Variants in BCL2L13 observed in about 807,000 individuals in gnomAD.
The protein encoded by BCL2L13 is BCL2 like 13.
Under a neutral mutation model 25.8 loss-of-function variants are expected in BCL2L13, and 13 were observed. That is an observed-to-expected ratio of 0.50 (90% CI 0.33 to 0.80). The LOEUF (loss-of-function observed/expected upper bound fraction) is 0.80, where lower values mean the gene tolerates loss of function less well. BCL2L13 is among the 30% of genes least tolerant of loss of function. BCL2L13 has a pLI of 0.02. For missense variants in BCL2L13, 504 were observed against 574.9 expected, an observed-to-expected ratio of 0.88 and a Z score of 1.26; for synonymous variants, 244 against 230.3, an observed-to-expected ratio of 1.06 and a Z score of -0.54.
chr22:17,723,868 G>A (rs539823705), intron 6 of BCL2L13, among the ~76,000 whole-genome samples: 8 of 151,752 alleles, frequency 5.3e-5, no homozygotes, highest in African/African-American at 1.9e-4. Flanking sequence ...GGGAGACGGA[G>A]GTTGCAGTGA....
chr22:17,716,159 G>A (rs1043437548), intron 6 of BCL2L13, among the ~76,000 whole-genome samples: 3 of 152,164 alleles, frequency 2.0e-5, no homozygotes, highest in South Asian at 2.1e-4. Flanking sequence ...ACTCAGTGCC[G>A]TCTAGGAGTT....
chr22:17,718,008 G>A lies in BCL2L13; in HGVS notation c.601-8669G>A, dbSNP rs576752010. Among the ~76,000 whole-genome samples, 3 of 152,234 alleles carry A rather than the reference G, an allele frequency of 2.0e-5. No homozygotes were observed. In the East Asian group the frequency reaches 5.8e-4, roughly 29 times the overall value. ...AGGCTGAAGTAGGAGGGTTGCTTGA[G>A]CCCTGGGGGCAGAGGTTGCAGTGAG... On this transcript the variant is annotated intron_variant, in intron 6 of 6. Coordinates refer to ENST00000317582, the MANE Select transcript of BCL2L13 (RefSeq NM_015367.4).
In BCL2L13 at chr22:17,655,821, C is replaced by T. The variant is rs1262023128; in HGVS notation, c.110C>T (p.Ser37Phe). Residue 37 changes from serine (S) to phenylalanine (F), a missense_variant, in exon 2 of 7, where the codon TCC (serine) becomes TTC (phenylalanine). Coordinates refer to ENST00000317582, the MANE Select transcript of BCL2L13 (RefSeq NM_015367.4). Reference sequence around the variant, plus strand: ...GAGAAGCTGCAAGAGCAACATCTTTCCTCACCCCAAGGTATTATCTTTGGC... The same window carrying T: ...GAGAAGCTGCAAGAGCAACATCTTTTCTCACCCCAAGGTATTATCTTTGGC... The part of the protein sequence containing the change: ...SQEKLQEQHL[S>F]SPQGVQLDIA... 1.2e-6 allele frequency: 2 copies of T among 1,613,218 alleles called. No individual in the cohort carries two copies. Among genetic ancestry groups the T allele is most frequent in the Admixed American group, 1.7e-5 (1 of 59,924 alleles).
intron 6 of BCL2L13, among the ~76,000 whole-genome samples, chr22:17,720,456 A>C (rs1447370147): frequency 1.3e-5 from 2 of 152,114 alleles, no homozygotes; most frequent in African/African-American, 4.8e-5. Flanking sequence ...TCCCAGGTTC[A>C]AGTGATTCTC....
intron 5 of BCL2L13, among the ~76,000 whole-genome samples, chr22:17,697,360 C>T (rs2060295650): frequency 6.6e-6 from 1 of 152,110 alleles, no homozygotes; most frequent in Non-Finnish European, 1.5e-5. Flanking sequence ...ATTGCTTAAA[C>T]CCGGGAGTTG....
chr22:17,647,369 A>C (rs550260341), intron 1 of BCL2L13, among the ~76,000 whole-genome samples: 17 of 152,024 alleles, frequency 1.1e-4, no homozygotes, highest in Non-Finnish European at 2.2e-4. Flanking sequence ...TGGCCTCCCA[A>C]AGTGCTTCTA....
chr22:17,710,188 A>G (rs564902188), intron 6 of BCL2L13, among the ~76,000 whole-genome samples: 16 of 152,246 alleles, frequency 1.1e-4, no homozygotes, highest in African/African-American at 3.9e-4. Flanking sequence ...CTTACATAAC[A>G]GCACAGAATG....
intron 6 of BCL2L13, among the ~76,000 whole-genome samples, chr22:17,715,139 TATATATATATATATATATATATATA>T (rs1569007396): frequency 0.018 from 58 of 3,196 alleles, 1 homozygote; most frequent in South Asian, 0.054. Flanking sequence ...TATATATATA[TATATATATATATATATATATATATA>T]TATATATTTT....
chr22:17,701,887 G>C (rs2060445934), intron 5 of BCL2L13, among the ~76,000 whole-genome samples: 1 of 143,386 alleles, frequency 7.0e-6, no homozygotes, highest in South Asian at 2.1e-4. Context: ...CTGTGCCACT[G>C]CCTGGATGAA....
intron 1 of BCL2L13, among the ~76,000 whole-genome samples, chr22:17,647,481 A>G (rs890669643): frequency 6.6e-6 from 1 of 151,882 alleles, no homozygotes; most frequent in East Asian, 1.9e-4. Context: ...TGCTTCTTTC[A>G]GTACTCTGGA....
Position 17,655,813 on chromosome 22 carries a change from A to C in BCL2L13, c.102A>C (p.Gln34His), listed in dbSNP as rs749197208. The change falls in exon 2 of 7, where the codon CAA (glutamine) becomes CAC (histidine). Residue 34 changes from glutamine (Q) to histidine (H), a missense_variant. Transcript: ENST00000317582. ...TCTCTCAAGAGAAGCTGCAAGAGCA[A>C]CATCTTTCCTCACCCCAAGGTATTA... is the stretch of plus-strand genomic sequence containing the variant. The part of the protein sequence containing the change: ...GLLSQEKLQE[Q>H]HLSSPQGVQL... The C allele has an allele frequency of 3.1e-6, 5 of 1,613,506 alleles. No individual in the cohort carries two copies. In the Admixed American group the frequency reaches 6.7e-5, roughly 22 times the overall value.
At chr22:17,646,160 C>A (rs2058464319) in intron 1 of BCL2L13, among the ~76,000 whole-genome samples, 1 of 151,422 alleles carries the variant, frequency 6.6e-6, no homozygotes, top group Non-Finnish European at 1.5e-5. Flanking sequence ...AATAGAGGAA[C>A]AAAGTAAAAA....
At chr22:17,689,165 A>C in intron 4 of BCL2L13, 23 bp downstream of exon 4, 5 of 1,610,910 alleles carry the variant, frequency 3.1e-6, no homozygotes, top group Non-Finnish European at 4.2e-6. Context: ...GCTGAGTGGG[A>C]TGTGCTTCTT....
chr22:17,653,070 AAAG>A (rs985882235), intron 1 of BCL2L13, among the ~76,000 whole-genome samples: 4 of 152,118 alleles, frequency 2.6e-5, no homozygotes, highest in African/African-American at 9.7e-5. Flanking sequence ...GTCTCAAAAA[AAAG>A]AGAAAAAACA....
chr22:17,685,754 C>CTTTT (rs2059909181), intron 3 of BCL2L13, among the ~76,000 whole-genome samples: 1 of 53,996 alleles, frequency 1.9e-5, no homozygotes, highest in Admixed American at 2.1e-4. Context: ...ATAATTTTTT[C>CTTTT]TTTTTCTTTT....
At position 17,695,194 on chromosome 22, in the gene BCL2L13, A is replaced by G. The variant is rs929134491; in HGVS notation, c.387-947A>G. The stretch of plus-strand genomic sequence containing the variant: ...GAAGTGGCACCCATCACTTCCACCC[A>G]CATTTCATTGGCTGGGCTAACCACA... On this transcript the variant is annotated intron_variant, in intron 4 of 6. Transcript: ENST00000317582. Among the ~76,000 whole-genome samples the G allele has an allele frequency of 9.9e-5, 15 of 152,248 alleles. No homozygotes were observed. The East Asian group carries it at 2.9e-3, about 29-fold the overall frequency.
intron 3 of BCL2L13, among the ~76,000 whole-genome samples, chr22:17,683,844 CATTATTATTATT>C (rs57407987): frequency 2.1e-4 from 31 of 144,374 alleles, no homozygotes; most frequent in Middle Eastern, 3.6e-3. Flanking sequence ...TCAGTCATTC[CATTATTATTATT>C]ATTATTATTA....
intron 2 of BCL2L13, among the ~76,000 whole-genome samples, chr22:17,672,127 T>C (rs1055028507): frequency 6.6e-6 from 1 of 152,198 alleles, no homozygotes; most frequent in African/African-American, 2.4e-5. Context: ...CCTTTTTGAT[T>C]TGATTGTAAT....
chr22:17,679,940 C>T (rs1445602456), intron 2 of BCL2L13, among the ~76,000 whole-genome samples: 3 of 151,990 alleles, frequency 2.0e-5, no homozygotes, highest in Admixed American at 6.6e-5. Flanking sequence ...GGGCCAGGCA[C>T]GGTGGCTCAC....
Sources: allele counts gnomAD v4.1 joint callset (sites outside exome capture counted in the v4.1 genomes callset), GRCh38; gene constraint gnomAD v4.1.1; transcripts MANE v1.5; gene names NCBI Gene and HGNC (gene_info 2026-07-23, HGNC 2026-07-21).